Variants in SGTB observed in about 807,000 individuals in gnomAD.
SGTB encodes small glutamine rich tetratricopeptide repeat co-chaperone beta.
SGTB carries 19 observed loss-of-function variants against 43.9 expected under a neutral mutation model. The ratio of observed to expected loss-of-function variants is 0.43; its 90% CI spans 0.30 to 0.63. The LOEUF is 0.63. Ranked by LOEUF, SGTB falls within the 30% of genes least tolerant of loss-of-function variation. The pLI, the probability that SGTB is intolerant of heterozygous loss-of-function variation, is 0.12. For synonymous variants in SGTB, 116 were observed against 117.3 expected (o/e 0.99, Z 0.07); for missense variants, 304 against 358.9 (o/e 0.85, Z 1.24).
intron 3 of SGTB, among the ~76,000 whole-genome samples, chr5:65,711,164 C>CA (rs1326965624): frequency 1.3e-5 from 2 of 149,524 alleles, no homozygotes; most frequent in Admixed American, 6.7e-5. Flanking sequence ...GACTCCATCT[C>CA]AAAAAAAAAG....
chr5:65,683,689 G>A (rs578180685), intron 6 of SGTB, among the ~76,000 whole-genome samples: 2 of 152,306 alleles, frequency 1.3e-5, no homozygotes, highest in South Asian at 4.1e-4. Context: ...ATAGTGGCCT[G>A]TAATCCCAGC....
In SGTB at chr5:65,680,658, G is replaced by A; in HGVS notation, c.616C>T (p.Pro206Ser). ...AEQKLREVSS[P>S]TGTGLSFDMA... ...CTCATTTGGCATTAACAACTTACAGGACTGGATACCTCTCTTAACTTCTGT... is the reference window on the plus strand; with the variant it reads ...CTCATTTGGCATTAACAACTTACAGAACTGGATACCTCTCTTAACTTCTGT... Residue 206 changes from proline (P) to serine (S), a missense_variant and splice_region_variant, in exon 7 of 11, where the codon CCT (proline) becomes TCT (serine). Coordinates refer to ENST00000381007, the MANE Select transcript of SGTB (RefSeq NM_019072.3). 2 of 1,613,940 alleles carry A rather than the reference G, an allele frequency of 1.2e-6. No individual in the cohort carries two copies. Among genetic ancestry groups the A allele is most frequent in the Non-Finnish European group, 1.7e-6 (2 of 1,179,982 alleles).
chr5:65,690,369 G>A (rs993218854), intron 5 of SGTB, among the ~76,000 whole-genome samples: 7 of 152,148 alleles, frequency 4.6e-5, no homozygotes, highest in Non-Finnish European at 8.8e-5. Context: ...AGCCCAGGAG[G>A]TCGAGGCTGC....
chr5:65,700,993 G>C (rs1256415579), intron 5 of SGTB, among the ~76,000 whole-genome samples: 1 of 106,130 alleles, frequency 9.4e-6, no homozygotes, highest in African/African-American at 3.8e-5. Context: ...CTGGGCAACA[G>C]AGCAAGACTC....
intron 8 of SGTB, among the ~76,000 whole-genome samples, chr5:65,673,577 A>G (rs191299273): frequency 1.1e-3 from 169 of 151,076 alleles, no homozygotes; most frequent in Non-Finnish European, 2.1e-3. Context: ...TACCCCCTAC[A>G]CCCGGTATGG....
At chr5:65,676,401 T>C (rs531679052) in intron 8 of SGTB, among the ~76,000 whole-genome samples, 2 of 152,060 alleles carry the variant, frequency 1.3e-5, no homozygotes, top group South Asian at 2.1e-4. Flanking sequence ...CTTAAATATA[T>C]ATGCACCCAA....
chr5:65,713,056 G>T lies in SGTB; in HGVS notation c.109C>A (p.Gln37Lys). 1 of 1,603,556 alleles carries T rather than the reference G, an allele frequency of 6.2e-7. No individual in the cohort carries two copies. Among genetic ancestry groups the T allele is most frequent in the South Asian group, 1.1e-5 (1 of 87,842 alleles). Residue 37 changes from glutamine to lysine, a missense_variant, in exon 3 of 11, where the codon CAG becomes AAG. Gln to Lys is a moderately conservative substitution (Grantham distance 53). Transcript: ENST00000381007. ...ATCTTAAAAACTGTCTCCAAGCACT[G>T]AATTGCAACTTGAAATAAATTTTAA... Reference protein sequence around the residue: ...DEQESLEVAIQCLETVFKISP... With the variant: ...DEQESLEVAIKCLETVFKISP...
In SGTB at chr5:65,712,945, A is replaced by C; in HGVS notation, c.204+16T>G. ...TAGTCATATCAGTTAATAATGAGAA[A>C]ATAATGACAACATACCTTACAGAAG... On this transcript the variant is annotated intron_variant, in intron 3 of 10. Transcript: ENST00000381007. The C allele has an allele frequency of 1.9e-6, 3 of 1,591,364 alleles. No homozygotes were observed. Among genetic ancestry groups the C allele is most frequent in the Non-Finnish European group, 2.6e-6 (3 of 1,164,860 alleles).
intron 5 of SGTB, among the ~76,000 whole-genome samples, chr5:65,700,447 T>C (rs1421232456): frequency 6.6e-6 from 1 of 151,780 alleles, no homozygotes; most frequent in Non-Finnish European, 1.5e-5. Context: ...GGCGGGTGGA[T>C]CACGAGGTCA....
chr5:65,670,830 T>C (rs1757140230), intron 10 of SGTB, among the ~76,000 whole-genome samples: 1 of 152,206 alleles, frequency 6.6e-6, no homozygotes, highest in South Asian at 2.1e-4. Context: ...TGTCATTATA[T>C]GCCATTTAAA....
rs555710039 is a variant in SGTB at position 65,666,500 on chromosome 5, A to G, written c.*3746T>C. ...AAGTCAAACATTTAGTACGATGCTT[A>G]AAGAGTTACTTTAATAATGCCCTCT... On this transcript the variant is annotated 3_prime_UTR_variant, in exon 11 of 11. Coordinates refer to ENST00000381007, the MANE Select transcript of SGTB (RefSeq NM_019072.3). 28 of 152,330 alleles carry G rather than the reference A, an allele frequency of 1.8e-4. No individual in the cohort carries two copies. The highest frequency in any genetic ancestry group is 6.7e-4 in the African/African-American group (28 of 41,602). 9.4% of individuals were successfully genotyped at this position (152,330 alleles called of 1,614,324 possible).
chr5:65,704,671 G>A (rs542132296), intron 4 of SGTB, among the ~76,000 whole-genome samples: 101 of 152,248 alleles, frequency 6.6e-4, no homozygotes, highest in African/African-American at 2.3e-3. Context: ...CATGGCAAAA[G>A]TGAATCTCTT....
intron 5 of SGTB, among the ~76,000 whole-genome samples, chr5:65,702,204 C>T (rs1375883592): frequency 6.6e-6 from 1 of 152,080 alleles, no homozygotes; most frequent in Non-Finnish European, 1.5e-5. Context: ...AACAGGAAGC[C>T]ACTACCATCC....
At chr5:65,686,943 G>A (rs754273532) in intron 5 of SGTB, among the ~76,000 whole-genome samples, 1 of 152,012 alleles carries the variant, frequency 6.6e-6, no homozygotes, top group Non-Finnish European at 1.5e-5. Flanking sequence ...ATCACATCCA[G>A]CTTATTATTA....
intron 5 of SGTB, among the ~76,000 whole-genome samples, chr5:65,691,264 T>C (rs1757601725): frequency 6.6e-6 from 1 of 152,158 alleles, no homozygotes; most frequent in South Asian, 2.1e-4. Context: ...AATGATCATG[T>C]CCTGCAACCC....
chr5:65,706,588 T>C (rs967739473), intron 4 of SGTB, among the ~76,000 whole-genome samples: 1 of 152,202 alleles, frequency 6.6e-6, no homozygotes, highest in Non-Finnish European at 1.5e-5. Flanking sequence ...TCCTGGCACT[T>C]TGGGAGGCCG....
chr5:65,704,046 A>AT (rs1401109208), intron 5 of SGTB, among the ~76,000 whole-genome samples: 3,920 of 117,814 alleles, frequency 0.033, 61 homozygotes, highest in Admixed American at 0.049. Flanking sequence ...AAAAAAAAAA[A>AT]AAAAAATAAA....
intron 2 of SGTB, among the ~76,000 whole-genome samples, chr5:65,716,499 G>A (rs758097080): frequency 2.0e-5 from 3 of 152,228 alleles, no homozygotes; most frequent in African/African-American, 7.2e-5. Flanking sequence ...GGTGGTATAA[G>A]AGATGTCAAA....
chr5:65,696,083 G>C (rs76086352), intron 5 of SGTB, among the ~76,000 whole-genome samples: 1 of 152,170 alleles, frequency 6.6e-6, no homozygotes, highest in African/African-American at 2.4e-5. Flanking sequence ...ACACGGCTAC[G>C]TGCTGTCACT....
Sources: gnomAD v4.1 joint callset for allele counts (sites outside exome capture counted in the v4.1 genomes callset) on GRCh38, gnomAD v4.1.1 for gene constraint, MANE v1.5 for transcripts, NCBI Gene and HGNC (gene_info 2026-07-23, HGNC 2026-07-21) for gene names.